PDZD2: variants seen among roughly 807,000 people sequenced by gnomAD.
PDZD2 encodes the protein PDZ domain-containing protein 2.
A neutral mutation model predicts 220.7 loss-of-function variants in PDZD2; 90 were observed. The ratio of observed to expected loss-of-function variants is 0.41; its 90% CI spans 0.34 to 0.49. The LOEUF (loss-of-function observed/expected upper bound fraction) is 0.49. Ranked by LOEUF, PDZD2 falls within the 20% of genes least tolerant of loss-of-function variation. The pLI, the probability that PDZD2 is intolerant of heterozygous loss-of-function variation, is 0.28. For synonymous variants in PDZD2, 1,375 were observed against 1,450.5 expected (o/e 0.95, Z 1.18); for missense variants, 3,174 against 3,608.5 (o/e 0.88, Z 3.08).
chr5:31,922,375 C>G (rs1253427160), intron 2 of PDZD2, among the ~76,000 whole-genome samples: 2 of 152,140 alleles, frequency 1.3e-5, no homozygotes, highest in African/African-American at 2.4e-5. Flanking sequence ...TTAATCTTCC[C>G]CACTTGAATA....
At chr5:31,746,614 G>A (rs1750618065) in intron 1 of PDZD2, among the ~76,000 whole-genome samples, 1 of 152,204 alleles carries the variant, frequency 6.6e-6, no homozygotes, top group African/African-American at 2.4e-5. Flanking sequence ...AAGGACAACA[G>A]GAGCAAACAA....
intron 7 of PDZD2, among the ~76,000 whole-genome samples, chr5:32,043,264 C>T (rs749746625): frequency 1.3e-5 from 2 of 152,178 alleles, no homozygotes; most frequent in Non-Finnish European, 2.9e-5. Flanking sequence ...CCACTGTTTG[C>T]CACAAATGGA....
At chr5:31,930,604 G>A (rs1180498310) in intron 2 of PDZD2, among the ~76,000 whole-genome samples, 6 of 152,134 alleles carry the variant, frequency 3.9e-5, no homozygotes, top group Admixed American at 2.6e-4. Flanking sequence ...TGGACAACGA[G>A]AAATTATTTG....
chr5:31,830,197 G>A (rs9800378), intron 2 of PDZD2, among the ~76,000 whole-genome samples: 84,410 of 145,230 alleles, frequency 0.58, 24,557 homozygotes, highest in Non-Finnish European at 0.63. Flanking sequence ...ACGAAGTTTC[G>A]CTCTGCCGCC....
intron 2 of PDZD2, among the ~76,000 whole-genome samples, chr5:31,819,137 A>C (rs1218059282): frequency 6.6e-6 from 1 of 152,212 alleles, no homozygotes; most frequent in Non-Finnish European, 1.5e-5. Context: ...TACTCTGTTA[A>C]TGTCTTTTTT....
chr5:31,694,801 T>TA (rs1747309291), intron 1 of PDZD2, among the ~76,000 whole-genome samples: 1 of 144,270 alleles, frequency 6.9e-6, no homozygotes, highest in South Asian at 2.1e-4. Flanking sequence ...TTATTTATTT[T>TA]TTTTTTGTGA....
chr5:31,655,266 G>T (rs570211998), intron 1 of PDZD2, among the ~76,000 whole-genome samples: 1 of 152,052 alleles, frequency 6.6e-6, no homozygotes, highest in Non-Finnish European at 1.5e-5. Context: ...TCTGCCTCCC[G>T]GGTTCAAGCG....
chr5:31,831,027 C>T (rs767928202), intron 2 of PDZD2, among the ~76,000 whole-genome samples: 4 of 152,168 alleles, frequency 2.6e-5, no homozygotes, highest in Admixed American at 1.3e-4. Context: ...AGACCCAGTT[C>T]CCTGTTAGTG....
rs1328411191 is a variant in PDZD2 at position 31,844,162 on chromosome 5, A to G, written c.476+44438A>G. On this transcript the variant is annotated intron_variant, in intron 2 of 24. Coordinates refer to ENST00000438447, the MANE Select transcript of PDZD2 (RefSeq NM_178140.4). ...ACTTGTAAAGAGGAGACATTTTGATATATCATTGTAAGAGAGCAAGTCAAG... is the reference window on the plus strand; with the variant it reads ...ACTTGTAAAGAGGAGACATTTTGATGTATCATTGTAAGAGAGCAAGTCAAG... Among the ~76,000 whole-genome samples the G allele has an allele frequency of 3.3e-5, 5 of 152,198 alleles. No individual in the cohort carries two copies. The South Asian group carries it at 1.0e-3, about 32-fold the overall frequency.
intron 3 of PDZD2, among the ~76,000 whole-genome samples, chr5:31,990,977 C>A (rs942958098): frequency 6.6e-6 from 1 of 152,158 alleles, no homozygotes; most frequent in African/African-American, 2.4e-5. Flanking sequence ...CTGCATAATC[C>A]GGGGCAGAAT....
chr5:31,700,993 G>A (rs1747581256), intron 1 of PDZD2, among the ~76,000 whole-genome samples: 1 of 152,200 alleles, frequency 6.6e-6, no homozygotes, highest in Non-Finnish European at 1.5e-5. Context: ...TCAGCTGAAG[G>A]ACAGGCTGCC....
At chr5:32,013,915 A>T (rs1298760582) in intron 6 of PDZD2, among the ~76,000 whole-genome samples, 1 of 152,168 alleles carries the variant, frequency 6.6e-6, no homozygotes, top group African/African-American at 2.4e-5. Context: ...GTTGCAGCCC[A>T]GGGGAACCAG....
intron 1 of PDZD2, among the ~76,000 whole-genome samples, chr5:31,737,167 C>CTTTTTTTTTTTT (rs57379430): frequency 1.5e-5 from 1 of 66,300 alleles, no homozygotes; most frequent in African/African-American, 6.4e-5. Flanking sequence ...CAGTCTACTT[C>CTTTTTTTTTTTT]TTTTTTTTTT....
At chr5:31,930,256 G>T (rs13183012) in intron 2 of PDZD2, among the ~76,000 whole-genome samples, 1 of 141,186 alleles carries the variant, frequency 7.1e-6, no homozygotes, top group African/African-American at 2.7e-5. Flanking sequence ...CCCAGGCTGG[G>T]GTGCAGTGGC....
intron 2 of PDZD2, among the ~76,000 whole-genome samples, chr5:31,944,815 G>T (rs1227183658): frequency 6.6e-6 from 1 of 152,206 alleles, no homozygotes; most frequent in African/African-American, 2.4e-5. Context: ...TGGAGGGGCC[G>T]CTTCCTGGCC....
In PDZD2 at chr5:32,040,959, G is replaced by T. The variant is rs10038092; in HGVS notation, c.1519+3617G>T. 5.1e-4 allele frequency among the ~76,000 whole-genome samples: 71 copies of T among 140,556 alleles called. No homozygotes were observed. The Middle Eastern group carries it at 0.014, about 27-fold the overall frequency. The allele number at this position is 140,556 out of a possible 152,430, so 92.2% of individuals were successfully genotyped here. The stretch of plus-strand genomic sequence containing the variant: ...CCACCCCATCTGGGAAATGGGGAGC[G>T]CCTCTGCCTGGCCACCCCGTCTGGG... On this transcript the variant is annotated intron_variant, in intron 7 of 24. Coordinates refer to ENST00000438447, the MANE Select transcript of PDZD2 (RefSeq NM_178140.4).
At chr5:32,060,088 C>G (rs956962497) in intron 13 of PDZD2, among the ~76,000 whole-genome samples, 8 of 152,098 alleles carry the variant, frequency 5.3e-5, no homozygotes, top group Admixed American at 1.3e-4. Flanking sequence ...AAGGGATTGT[C>G]AAAATGGCAT....
At chr5:32,072,093 CGTAATAACCCTTGA>C in intron 16 of PDZD2, 54 bp from the exon 17 acceptor site, 2 of 1,103,096 alleles carry the variant, frequency 1.8e-6, no homozygotes, top group Non-Finnish European at 2.7e-6. Context: ...AAAGATAGGA[CGTAATAACCCTTGA>C]AAGTCTGCTT....
At chr5:31,651,710 C>T (rs1399315461) in intron 1 of PDZD2, among the ~76,000 whole-genome samples, 1 of 151,990 alleles carries the variant, frequency 6.6e-6, no homozygotes, top group African/African-American at 2.4e-5. Flanking sequence ...CGGCTCACTG[C>T]AGCCTCAACC....
Sources: allele counts gnomAD v4.1 joint callset (sites outside exome capture counted in the v4.1 genomes callset), GRCh38; gene constraint gnomAD v4.1.1; transcripts MANE v1.5; gene names NCBI Gene and HGNC (gene_info 2026-07-23, HGNC 2026-07-21).